Variants in MIB1 observed in about 807,000 individuals in gnomAD.
MIB1 encodes MIB E3 ubiquitin protein ligase 1, also known as E3 ubiquitin-protein ligase MIB1.
MIB1 carries 278 observed loss-of-function variants against 124.5 expected under a neutral mutation model. The ratio of observed to expected loss-of-function variants is 2.23; its 90% CI spans 2.02 to 2.47. The LOEUF (loss-of-function observed/expected upper bound fraction) is 2.47, where lower values mean the gene tolerates loss of function less well. Among genes scored for constraint, MIB1 ranks in the 30% most tolerant of loss-of-function variants. The probability of loss-of-function intolerance (pLI) is 0.00; values close to 1 mark genes in which losing one functional copy is unlikely to be tolerated. For synonymous variants in MIB1, 446 were observed against 429.4 expected, an observed-to-expected ratio of 1.04 and a Z score of -0.48; for missense variants, 957 against 1,254.4, an observed-to-expected ratio of 0.76 and a Z score of 3.58.
intron 1 of MIB1, among the ~76,000 whole-genome samples, chr18:21,761,205 T>G (rs2041093959): frequency 6.6e-6 from 1 of 150,978 alleles, no homozygotes; most frequent in Non-Finnish European, 1.5e-5. Flanking sequence ...GTTGCAAAAC[T>G]ATTCTCGGTC....
intron 1 of MIB1, among the ~76,000 whole-genome samples, chr18:21,759,178 T>C (rs2041068273): frequency 6.6e-6 from 1 of 151,626 alleles, no homozygotes; most frequent in Non-Finnish European, 1.5e-5. Context: ...CTGTAAATAA[T>C]AGTATTGTTT....
At chr18:21,861,715 C>CA (rs1372156802) in intron 20 of MIB1, among the ~76,000 whole-genome samples, 2 of 151,372 alleles carry the variant, frequency 1.3e-5, no homozygotes, top group Admixed American at 1.3e-4. Flanking sequence ...AATCTCCAGT[C>CA]TATTACCCCA....
chr18:21,762,842 C>T (rs2041113332), intron 1 of MIB1, among the ~76,000 whole-genome samples: 1 of 152,000 alleles, frequency 6.6e-6, no homozygotes, highest in Non-Finnish European at 1.5e-5. Flanking sequence ...TCCCCATATA[C>T]AGTCTCTGAA....
chr18:21,715,426 C>T (rs2040685371), intron 1 of MIB1, among the ~76,000 whole-genome samples: 2 of 151,974 alleles, frequency 1.3e-5, no homozygotes, highest in Admixed American at 1.3e-4. Context: ...ACCAGAAAAC[C>T]AACTCTGGTA....
At chr18:21,736,958 G>C (rs530729563), upstream of MIB1, among the ~76,000 whole-genome samples, 1 of 152,338 alleles carries the variant, frequency 6.6e-6, no homozygotes, top group African/African-American at 2.4e-5. Flanking sequence ...ATATCATCCA[G>C]GAGAACTTCC....
Position 21,779,512 on chromosome 18 carries a change from A to C in MIB1, c.735A>C (p.Gly245=). The change falls in exon 6 of 21, where the codon GGA becomes GGC. Residue 245 remains glycine, a synonymous_variant. Coordinates refer to ENST00000261537, the MANE Select transcript of MIB1 (RefSeq NM_020774.4). ...GEQNGNRNPG[G]LQIGDLVNID... ...AGAATGGCAACAGGAATCCTGGTGG[A>C]TTGCAGATTGGTGACCTGGTAAATA... is the stretch of plus-strand genomic sequence containing the variant. 1.9e-6 allele frequency: 3 copies of C among 1,614,112 alleles called. No homozygotes were observed. Among genetic ancestry groups the C allele is most frequent in the Non-Finnish European group, 2.5e-6 (3 of 1,179,986 alleles).
chr18:21,808,216 A>T (rs932676271), intron 10 of MIB1, among the ~76,000 whole-genome samples: 1 of 152,190 alleles, frequency 6.6e-6, no homozygotes, highest in Non-Finnish European at 1.5e-5. Flanking sequence ...TAGTTATCTC[A>T]TTTGGTAACC....
At chr18:21,753,379 G>A (rs376182507) in intron 1 of MIB1, among the ~76,000 whole-genome samples, 53 of 151,928 alleles carry the variant, frequency 3.5e-4, no homozygotes, top group African/African-American at 1.3e-3. Context: ...GTAGAGACGG[G>A]GTTTCACCAT....
chr18:21,809,900 T>C (rs1004056851), intron 10 of MIB1, among the ~76,000 whole-genome samples: 9 of 151,954 alleles, frequency 5.9e-5, no homozygotes, highest in Non-Finnish European at 1.3e-4. Context: ...ACCAGAGCAA[T>C]TAGGCAAGAA....
At position 21,741,769 on chromosome 18, in the gene MIB1, C is replaced by A; in HGVS notation, c.186C>A (p.Cys62Ter). The A allele has an allele frequency of 1.9e-6, 3 of 1,609,682 alleles. No individual in the cohort carries two copies. Among genetic ancestry groups the A allele is most frequent in the Non-Finnish European group, 2.5e-6 (3 of 1,178,726 alleles). Residue 62 changes from cysteine to a stop codon, truncating the protein, a stop_gained, in exon 1 of 21, where the codon TGC becomes TGA. Coordinates refer to ENST00000261537, the MANE Select transcript of MIB1 (RefSeq NM_020774.4). LOFTEE classifies it high-confidence loss of function. This position sits in a 1 kb window ranked among gnomAD's most constrained non-coding sequence, Gnocchi z 5.4. ...WDNGTAANYR[C>*]SGAYDLRILD... is the part of the protein sequence containing the mutation. The stretch of plus-strand genomic sequence containing the variant: ...ACGGCACAGCTGCCAACTACCGCTG[C>A]TCCGGGGCTTACGACCTCCGCATCC...
In MIB1 at chr18:21,741,771, C is replaced by A; in HGVS notation, c.188C>A (p.Ser63Tyr). 1 of 1,609,314 alleles carries A rather than the reference C, an allele frequency of 6.2e-7. No individual in the cohort carries two copies. ...GGCACAGCTGCCAACTACCGCTGCTCCGGGGCTTACGACCTCCGCATCCTG... is the reference window on the plus strand; with the variant it reads ...GGCACAGCTGCCAACTACCGCTGCTACGGGGCTTACGACCTCCGCATCCTG... ...DNGTAANYRCSGAYDLRILDS... is the reference protein window; with the variant it reads ...DNGTAANYRCYGAYDLRILDS... The change falls in exon 1 of 21, where the codon TCC becomes TAC. Residue 63 changes from serine (S) to tyrosine (Y), a missense_variant. Ser to Tyr is a moderately radical substitution (Grantham distance 144). Transcript: ENST00000261537. This position sits in a 1 kb window ranked among gnomAD's most constrained non-coding sequence, Gnocchi z 5.4.
At chr18:21,735,647 C>T (rs952057196) in intron 1 of MIB1, among the ~76,000 whole-genome samples, 1 of 152,222 alleles carries the variant, frequency 6.6e-6, no homozygotes, top group Non-Finnish European at 1.5e-5. Flanking sequence ...GCTGCTAGCA[C>T]AGCAGTCTGA....
Position 21,741,710 on chromosome 18 carries a change from G to T in MIB1, c.127G>T (p.Glu43Ter), listed in dbSNP as rs777854951. 5 of 1,611,432 alleles carry T rather than the reference G, an allele frequency of 3.1e-6. No homozygotes were observed. The highest frequency in any genetic ancestry group is 1.3e-5 in the African/African-American group (1 of 74,908). Residue 43 changes from glutamate to a stop codon, truncating the protein, a stop_gained, in exon 1 of 21, where the codon GAG (glutamate) becomes TAG (stop). Transcript: ENST00000261537. LOFTEE classifies it high-confidence loss of function. This position sits in a 1 kb window ranked among gnomAD's most constrained non-coding sequence, Gnocchi z 5.4. ...CCATGTGGGCACCGTCCGGAGCTTC[G>T]AGAGCCCCGAGGAGGTGGTGGTAGT... ...EGHVGTVRSF[E>*]SPEEVVVVWD...
chr18:21,720,024 G>T (rs2040707737), intron 1 of MIB1, among the ~76,000 whole-genome samples: 1 of 152,054 alleles, frequency 6.6e-6, no homozygotes, highest in Non-Finnish European at 1.5e-5. Context: ...AGAAAACTTT[G>T]GTCACATTTG....
Position 21,773,650 on chromosome 18 carries a change from A to C in MIB1, c.558A>C (p.Ala186=). The C allele has an allele frequency of 1.9e-6, 3 of 1,610,138 alleles. No homozygotes were observed. Among genetic ancestry groups the C allele is most frequent in the Non-Finnish European group, 2.5e-6 (3 of 1,178,546 alleles). ...GKVTEIQDWS[A]SSPHSAAYVL... ...TAACAGAAATCCAGGACTGGAGTGC[A>C]TCAAGCCCACATAGCGCAGCATATG... is the stretch of plus-strand genomic sequence containing the variant. The change falls in exon 4 of 21, where the codon GCA becomes GCC. Residue 186 remains alanine, a synonymous_variant. Coordinates refer to ENST00000261537, the MANE Select transcript of MIB1 (RefSeq NM_020774.4).
At chr18:21,822,675 T>C (rs1449271837) in intron 12 of MIB1, among the ~76,000 whole-genome samples, 1 of 139,020 alleles carries the variant, frequency 7.2e-6, no homozygotes, top group African/African-American at 2.7e-5. Context: ...ATTCTTTTTT[T>C]CATATCAAAT....
intron 10 of MIB1, among the ~76,000 whole-genome samples, chr18:21,806,274 C>T (rs990644911): frequency 6.6e-6 from 1 of 151,040 alleles, no homozygotes; most frequent in African/African-American, 2.4e-5. Flanking sequence ...GATTATGGCT[C>T]ACTGCAGCCT....
intron 11 of MIB1, among the ~76,000 whole-genome samples, chr18:21,816,026 G>T (rs1364692329): frequency 2.6e-5 from 4 of 152,072 alleles, no homozygotes; most frequent in Non-Finnish European, 5.9e-5. Flanking sequence ...GTTTTGATTG[G>T]GCAGGGAGAA....
At chr18:21,851,446 G>A (rs1351478126) in intron 17 of MIB1, among the ~76,000 whole-genome samples, 1 of 152,026 alleles carries the variant, frequency 6.6e-6, no homozygotes, top group African/African-American at 2.4e-5. Flanking sequence ...CTATAGAAAA[G>A]TAGAAAAACT....
Sources: allele counts gnomAD v4.1 joint callset (sites outside exome capture counted in the v4.1 genomes callset), GRCh38; gene constraint gnomAD v4.1.1; non-coding constraint Gnocchi (gnomAD v3.1); transcripts MANE v1.5; gene names NCBI Gene and HGNC (gene_info 2026-07-23, HGNC 2026-07-21).